Variants in OR10R2 observed in about 807,000 individuals in gnomAD.
OR10R2 encodes the protein olfactory receptor 10R2.
Under a neutral mutation model 2.4 loss-of-function variants are expected in OR10R2, and 1 was observed. The ratio of observed to expected loss-of-function variants is 0.41; its 90% CI spans 0.15 to 1.95. OR10R2 has a LOEUF of 1.95. Among genes scored for constraint, OR10R2 ranks in the 30% most tolerant of loss-of-function variants. OR10R2 has a pLI of 0.30. For synonymous variants in OR10R2, 166 were observed against 144.8 expected, an observed-to-expected ratio of 1.15 and a Z score of -1.05; for missense variants, 419 against 373.0, an observed-to-expected ratio of 1.12 and a Z score of -1.01.
At chr1:158,480,426 T>C (rs1407186365) in exon 2 of OR10R2, 1 of 1,614,078 alleles carries the variant, frequency 6.2e-7, no homozygotes, top group Non-Finnish European at 8.5e-7. Flanking sequence ...TAAATTTAGT[T>C]TTCAGCCTCC....
At chr1:158,480,610 A>G (rs1210660199) in exon 2 of OR10R2, 26 of 1,613,544 alleles carry the variant, frequency 1.6e-5, no homozygotes, top group Non-Finnish European at 2.1e-5. Context: ...TCTGAGGACT[A>G]TCCTGAAGAT....
chr1:158,480,292 G>A, exon 2 of OR10R2: 2 of 1,614,020 alleles, frequency 1.2e-6, no homozygotes, highest in South Asian at 2.2e-5. Flanking sequence ...GGGTGTGATG[G>A]GTTATGATCG....
chr1:158,480,538 A>G, exon 2 of OR10R2: 1 of 1,613,626 alleles, frequency 6.2e-7, no homozygotes, highest in East Asian at 2.2e-5. Flanking sequence ...TGTGATATTC[A>G]TTTGTGGAGT....
At chr1:158,474,615 T>C (rs1419366082) in intron 1 of OR10R2, 1 of 152,194 alleles carries the variant, frequency 6.6e-6, no homozygotes, top group Non-Finnish European at 1.5e-5. Context: ...ATAAAGATGT[T>C]ATGAATCAGT....
At chr1:158,479,380 A>T (rs1656333423) in intron 1 of OR10R2, among the ~76,000 whole-genome samples, 1 of 152,162 alleles carries the variant, frequency 6.6e-6, no homozygotes, top group Admixed American at 6.5e-5. Flanking sequence ...ATTTAGTCAT[A>T]TATTTTATAA....
At chr1:158,474,461 T>G (rs948225527) in intron 1 of OR10R2, 8 of 152,116 alleles carry the variant, frequency 5.3e-5, no homozygotes, top group Admixed American at 2.0e-4. Context: ...AAATAAAGAG[T>G]GTCATAAGAT....
intron 1 of OR10R2, among the ~76,000 whole-genome samples, chr1:158,473,893 C>G (rs1656215821): frequency 1.4e-5 from 2 of 147,650 alleles, no homozygotes; most frequent in South Asian, 4.2e-4. Context: ...CCCTCCTTCC[C>G]TCTTTCCCTC....
At chr1:158,475,392 A>C (rs1057133228) in intron 1 of OR10R2, among the ~76,000 whole-genome samples, 3 of 152,126 alleles carry the variant, frequency 2.0e-5, no homozygotes, top group African/African-American at 7.2e-5. Context: ...TTATAATCTT[A>C]TTAGTAAATT....
chr1:158,479,827 A>C, intron 1 of OR10R2, 111 bp from the exon 2 acceptor site: 1 of 1,162,970 alleles, frequency 8.6e-7, no homozygotes, highest in Non-Finnish European at 1.2e-6. Flanking sequence ...GAAAAGGTGA[A>C]TAAAAGGCAA....
chr1:158,474,922 A>C (rs538988493), intron 1 of OR10R2, among the ~76,000 whole-genome samples: 16 of 152,270 alleles, frequency 1.1e-4, no homozygotes, highest in Middle Eastern at 6.8e-3. Flanking sequence ...ATTTTCCTAT[A>C]AGACAAAGAG....
intron 1 of OR10R2, among the ~76,000 whole-genome samples, chr1:158,473,646 T>G (rs942882459): frequency 1.3e-5 from 2 of 152,210 alleles, no homozygotes; most frequent in African/African-American, 2.4e-5. Context: ...GGATAAAATC[T>G]GGGAACTGGA....
chr1:158,472,710 C>T (rs1385450431), intron 1 of OR10R2, among the ~76,000 whole-genome samples: 24 of 152,078 alleles, frequency 1.6e-4, no homozygotes, highest in Admixed American at 1.6e-3. Context: ...TCTACAAATA[C>T]GTGACAGCAA....
At chr1:158,473,277 AC>A (rs1656197806) in intron 1 of OR10R2, among the ~76,000 whole-genome samples, 1 of 152,194 alleles carries the variant, frequency 6.6e-6, no homozygotes, top group South Asian at 2.1e-4. Context: ...TGATACGGAA[AC>A]TTTTGTCAAA....
intron 1 of OR10R2, among the ~76,000 whole-genome samples, chr1:158,478,970 T>C (rs192864748): frequency 1.3e-4 from 20 of 152,274 alleles, no homozygotes; most frequent in Admixed American, 1.1e-3. Context: ...AAAATGTGTT[T>C]ATGGTTATTT....
At chr1:158,475,761 A>G (rs1379430082) in intron 1 of OR10R2, among the ~76,000 whole-genome samples, 2 of 151,524 alleles carry the variant, frequency 1.3e-5, no homozygotes, top group Non-Finnish European at 3.0e-5. Flanking sequence ...ATAATATCTC[A>G]TTATTGTTTA....
chr1:158,477,707 T>A (rs1656295374), intron 1 of OR10R2, among the ~76,000 whole-genome samples: 1 of 152,184 alleles, frequency 6.6e-6, no homozygotes, highest in African/African-American at 2.4e-5. Context: ...ATAATCAATA[T>A]TGTTAAAATG....
intron 1 of OR10R2, 116 bp from the exon 2 acceptor site, chr1:158,479,822 G>C (rs895163008): frequency 2.2e-5 from 23 of 1,067,644 alleles, no homozygotes; most frequent in Non-Finnish European, 2.8e-5. Flanking sequence ...AACCGGAAAA[G>C]GTGAATAAAA....
intron 1 of OR10R2, among the ~76,000 whole-genome samples, chr1:158,477,223 C>T (rs1006721729): frequency 3.3e-5 from 5 of 152,064 alleles, no homozygotes; most frequent in African/African-American, 1.2e-4. Flanking sequence ...AAATCCACAG[C>T]CAACATCATA....
At chr1:158,478,973 G>A (rs1190680274) in intron 1 of OR10R2, among the ~76,000 whole-genome samples, 1 of 152,008 alleles carries the variant, frequency 6.6e-6, no homozygotes, top group African/African-American at 2.4e-5. Context: ...ATGTGTTTAT[G>A]GTTATTTTAA....
Sources: allele counts gnomAD v4.1 joint callset (sites outside exome capture counted in the v4.1 genomes callset), GRCh38; gene constraint gnomAD v4.1.1; transcripts MANE v1.5; gene names NCBI Gene and HGNC (gene_info 2026-07-23, HGNC 2026-07-21).